Variants in ROR1 observed in about 807,000 individuals in gnomAD.
The protein encoded by ROR1 is inactive tyrosine-protein kinase transmembrane receptor ROR1.
Under a neutral mutation model 78.8 loss-of-function variants are expected in ROR1, and 19 were observed. The observed-to-expected ratio is 0.24, with a 90% confidence interval of 0.17 to 0.35. The LOEUF (loss-of-function observed/expected upper bound fraction) is 0.35, where lower values mean the gene tolerates loss of function less well. ROR1 is among the 10% of genes least tolerant of loss of function. The pLI, the probability that ROR1 is intolerant of heterozygous loss-of-function variation, is 1.00. For synonymous variants in ROR1, 386 were observed against 433.6 expected, an observed-to-expected ratio of 0.89 and a Z score of 1.36; for missense variants, 917 against 1,177.8, an observed-to-expected ratio of 0.78 and a Z score of 3.24.
intron 1 of ROR1, among the ~76,000 whole-genome samples, chr1:63,984,466 A>G (rs148629545): frequency 1.6e-4 from 25 of 152,310 alleles, no homozygotes; most frequent in African/African-American, 6.0e-4. Context: ...TATTAAGTGC[A>G]TAGTGATGGC....
At chr1:64,132,596 C>T (rs1441710165) in intron 4 of ROR1, among the ~76,000 whole-genome samples, 1 of 151,668 alleles carries the variant, frequency 6.6e-6, no homozygotes, top group Admixed American at 6.6e-5. Flanking sequence ...CCTGTCTCTA[C>T]TAAAAATACA....
chr1:64,132,374 AGT>A (rs1171452740), intron 4 of ROR1, among the ~76,000 whole-genome samples: 2 of 152,186 alleles, frequency 1.3e-5, no homozygotes, highest in African/African-American at 2.4e-5. Flanking sequence ...TTTGTGTACA[AGT>A]GTGTGTTTGA....
At chr1:63,788,982 C>A in intron 1 of ROR1, 1 of 658,738 alleles carries the variant, frequency 1.5e-6, no homozygotes, top group South Asian at 1.4e-5. Context: ...TATGCGGTAT[C>A]TTCTGAGCAG....
chr1:63,903,343 CA>C (rs1435225948), intron 1 of ROR1, among the ~76,000 whole-genome samples: 2 of 152,018 alleles, frequency 1.3e-5, no homozygotes, highest in East Asian at 3.8e-4. Flanking sequence ...GTTGGAGTGC[CA>C]GGGATATTTC....
chr1:63,937,969 C>G (rs564161245), intron 1 of ROR1, among the ~76,000 whole-genome samples: 1 of 152,224 alleles, frequency 6.6e-6, no homozygotes, highest in African/African-American at 2.4e-5. Flanking sequence ...TAAACACCAC[C>G]AGATTCTCCC....
chr1:63,983,808 A>G (rs1248818087), intron 1 of ROR1, among the ~76,000 whole-genome samples: 1 of 152,180 alleles, frequency 6.6e-6, no homozygotes, highest in African/African-American at 2.4e-5. Flanking sequence ...TCTGTCATCA[A>G]TGAGCTGAAT....
At chr1:63,937,397 G>A (rs1192522222) in intron 1 of ROR1, among the ~76,000 whole-genome samples, 1 of 152,144 alleles carries the variant, frequency 6.6e-6, no homozygotes, top group East Asian at 1.9e-4. Context: ...TACCAACACT[G>A]CAAGATGGAC....
At chr1:63,787,180 A>G (rs980919089) in intron 1 of ROR1, among the ~76,000 whole-genome samples, 1 of 152,020 alleles carries the variant, frequency 6.6e-6, no homozygotes, top group African/African-American at 2.4e-5. Flanking sequence ...TGTTCTTCAA[A>G]CTGTATTGCA....
At chr1:63,815,805 A>G (rs1278278024) in intron 1 of ROR1, among the ~76,000 whole-genome samples, 2 of 152,096 alleles carry the variant, frequency 1.3e-5, no homozygotes, top group Non-Finnish European at 2.9e-5. Flanking sequence ...CATGAATTAC[A>G]CATACCCAGG....
At chr1:63,987,562 C>T in intron 1 of ROR1, among the ~76,000 whole-genome samples, 1 of 152,298 alleles carries the variant, frequency 6.6e-6, no homozygotes, top group African/African-American at 2.4e-5. Context: ...AATGCAGAGA[C>T]ACATGCATGC....
chr1:64,167,674 T>C (rs1650122279), intron 8 of ROR1, among the ~76,000 whole-genome samples: 2 of 152,338 alleles, frequency 1.3e-5, no homozygotes, highest in South Asian at 4.1e-4. Flanking sequence ...AGCAGATCCA[T>C]GTCAACAGCC....
At chr1:63,812,670 TAGG>T (rs1644867626) in intron 1 of ROR1, among the ~76,000 whole-genome samples, 1 of 152,200 alleles carries the variant, frequency 6.6e-6, no homozygotes, top group Non-Finnish European at 1.5e-5. Flanking sequence ...AGGCAGTACT[TAGG>T]AGGATTATTT....
At chr1:64,133,379 G>T (rs1177490176) in intron 4 of ROR1, among the ~76,000 whole-genome samples, 1 of 152,166 alleles carries the variant, frequency 6.6e-6, no homozygotes, top group Admixed American at 6.5e-5. Flanking sequence ...TCCTTTCCTT[G>T]CTCTGCAGTG....
chr1:63,979,358 A>C (rs193172005), intron 1 of ROR1, among the ~76,000 whole-genome samples: 96 of 152,304 alleles, frequency 6.3e-4, no homozygotes, highest in Admixed American at 5.4e-3. Flanking sequence ...TTACGATGGT[A>C]AACAAAGTTA....
intron 1 of ROR1, among the ~76,000 whole-genome samples, chr1:63,840,720 C>T (rs1645044421): frequency 1.3e-5 from 2 of 152,074 alleles, no homozygotes; most frequent in South Asian, 4.2e-4. Flanking sequence ...CATGATTCTC[C>T]CTGAGGAGCC....
At chr1:63,891,707 A>G (rs1645397843) in intron 1 of ROR1, among the ~76,000 whole-genome samples, 2 of 152,120 alleles carry the variant, frequency 1.3e-5, no homozygotes, top group Non-Finnish European at 2.9e-5. Flanking sequence ...AGAAAGATGG[A>G]AGATGGGTGA....
At chr1:63,890,508 C>T (rs906184060) in intron 1 of ROR1, among the ~76,000 whole-genome samples, 6 of 150,986 alleles carry the variant, frequency 4.0e-5, no homozygotes, top group Admixed American at 3.3e-4. Flanking sequence ...ATGGGAGATT[C>T]AACAAAGAGA....
chr1:63,918,795 C>T (rs977072421), intron 1 of ROR1, among the ~76,000 whole-genome samples: 2 of 152,112 alleles, frequency 1.3e-5, no homozygotes, highest in Non-Finnish European at 2.9e-5. Flanking sequence ...AGGCTGAGTG[C>T]GTGGAACAGT....
At chr1:64,174,973 T>C (rs1358098038) in intron 8 of ROR1, among the ~76,000 whole-genome samples, 1 of 149,092 alleles carries the variant, frequency 6.7e-6, no homozygotes, top group Non-Finnish European at 1.5e-5. Context: ...AGATATTTCC[T>C]AGTTCAGTAA....
Sources: gnomAD v4.1 joint callset for allele counts (sites outside exome capture counted in the v4.1 genomes callset) on GRCh38, gnomAD v4.1.1 for gene constraint, MANE v1.5 for transcripts, NCBI Gene and HGNC (gene_info 2026-07-23, HGNC 2026-07-21) for gene names.